The following APLF variants were observed in gnomAD, a reference collection of about 807,000 sequenced individuals.
The protein encoded by APLF is aprataxin and PNKP like factor, also known as aprataxin and PNK-like factor.
A neutral mutation model predicts 55.6 loss-of-function variants in APLF; 61 were observed. The ratio of observed to expected loss-of-function variants is 1.10; its 90% CI spans 0.89 to 1.36. The LOEUF is 1.36. Ranked by LOEUF, APLF falls within the 40% of genes most tolerant of loss-of-function variation. The pLI, the probability that APLF is intolerant of heterozygous loss-of-function variation, is 0.00. For synonymous variants in APLF, 207 were observed against 214.8 expected (o/e 0.96, Z 0.32); for missense variants, 611 against 602.5 (o/e 1.01, Z -0.15).
intron 5 of APLF, among the ~76,000 whole-genome samples, chr2:68,519,578 C>T (rs1278615537): frequency 6.7e-6 from 1 of 149,984 alleles, no homozygotes; most frequent in Non-Finnish European, 1.5e-5. Flanking sequence ...CCCCTCCCCA[C>T]TACGATTCCC....
At chr2:68,504,523 A>G (rs972728297) in intron 3 of APLF, among the ~76,000 whole-genome samples, 3 of 152,086 alleles carry the variant, frequency 2.0e-5, no homozygotes, top group African/African-American at 2.4e-5. Flanking sequence ...CTAAAGAACT[A>G]TCATTTTAAT....
chr2:68,511,597 G>A (rs572125502), intron 3 of APLF, among the ~76,000 whole-genome samples: 122 of 151,656 alleles, frequency 8.0e-4, no homozygotes, highest in Middle Eastern at 6.8e-3. Flanking sequence ...ACTATAAATT[G>A]TGAAAAATCA....
chr2:68,486,475 A>G (rs752488326), intron 1 of APLF, among the ~76,000 whole-genome samples: 2 of 151,988 alleles, frequency 1.3e-5, no homozygotes, highest in Non-Finnish European at 2.9e-5. Context: ...AGTGTGACTT[A>G]ATTTTTTTTG....
chr2:68,502,350 C>T (rs925358417), intron 2 of APLF, among the ~76,000 whole-genome samples: 4 of 152,128 alleles, frequency 2.6e-5, no homozygotes, highest in Admixed American at 2.0e-4. Flanking sequence ...TAGTGCATTT[C>T]GGATATGGAA....
intron 8 of APLF, among the ~76,000 whole-genome samples, chr2:68,551,169 A>G (rs1670850083): frequency 6.6e-6 from 1 of 152,224 alleles, no homozygotes; most frequent in Admixed American, 6.5e-5. Context: ...ATGTCATGCC[A>G]TGGACTCTTG....
intron 1 of APLF, among the ~76,000 whole-genome samples, chr2:68,485,755 G>GC (rs1445343374): frequency 2.0e-5 from 3 of 150,718 alleles, no homozygotes; most frequent in African/African-American, 4.9e-5. Context: ...CTGGAATACA[G>GC]CACACTGAAT....
At chr2:68,502,659 T>C (rs907749686) in intron 2 of APLF, 72 bp from the exon 3 acceptor site, 20 of 973,534 alleles carry the variant, frequency 2.1e-5, no homozygotes, top group Non-Finnish European at 2.2e-5. Context: ...ATTTTTGTTG[T>C]AATTTTGAGT....
At chr2:68,517,008 ATAATATATAATAATATAT>A (rs1372875424) in intron 5 of APLF, among the ~76,000 whole-genome samples, 11 of 123,274 alleles carry the variant, frequency 8.9e-5, no homozygotes, top group African/African-American at 2.9e-4. Flanking sequence ...ATGTTAATAT[ATAATATATAATAATATAT>A]TAATATATAA....
In APLF at chr2:68,578,461, G is replaced by C. The variant is rs1452676747; in HGVS notation, c.*439G>C. The C allele has an allele frequency of 1.0e-6, 1 of 987,092 alleles. No homozygotes were observed. Among genetic ancestry groups the C allele is most frequent in the Non-Finnish European group, 1.2e-6 (1 of 831,254 alleles). The allele number at this position is 987,092 out of a possible 1,614,324, so 61.1% of individuals were successfully genotyped here. A position where few individuals can be genotyped will look rare whatever the true frequency, so the allele number is the denominator to read the frequency against. On this transcript the variant is annotated 3_prime_UTR_variant, in exon 10 of 10. Coordinates refer to ENST00000303795, the MANE Select transcript of APLF (RefSeq NM_173545.3). ...GAAGTAATTCTGTAAGCAGAACCAG[G>C]CTTTAAAAAATGCAGCCATTACATA... is the stretch of plus-strand genomic sequence containing the variant.
chr2:68,493,955 G>T (rs1267885896), intron 2 of APLF, among the ~76,000 whole-genome samples: 1 of 151,840 alleles, frequency 6.6e-6, no homozygotes, highest in African/African-American at 2.4e-5. Context: ...AAAAATACAA[G>T]AAATTATCCA....
chr2:68,576,186 G>GA (rs916574673), intron 9 of APLF, among the ~76,000 whole-genome samples: 72 of 151,906 alleles, frequency 4.7e-4, no homozygotes, highest in African/African-American at 1.7e-3. Flanking sequence ...TCACATCTTA[G>GA]AAAAAAAAGT....
chr2:68,538,509 G>C (rs1244091531), intron 7 of APLF, among the ~76,000 whole-genome samples: 4 of 152,134 alleles, frequency 2.6e-5, no homozygotes. Context: ...GAATCCCCCA[G>C]ATCTAAATAC....
chr2:68,521,438 A>G (rs1669895198), intron 5 of APLF, among the ~76,000 whole-genome samples: 1 of 151,654 alleles, frequency 6.6e-6, no homozygotes, highest in Admixed American at 6.6e-5. Flanking sequence ...GTTCTAATTT[A>G]TTTTATTTTT....
rs555118014 is a variant in APLF at position 68,543,696 on chromosome 2, A to G, written c.1161-1491A>G. 3.3e-5 allele frequency among the ~76,000 whole-genome samples: 5 copies of G among 152,342 alleles called. No individual in the cohort carries two copies. In the South Asian group the frequency reaches 8.3e-4, roughly 25 times the overall value. Reference sequence around the variant, plus strand: ...ATACCTGAAATGAACCCAAAAGTTTATCAGTAGTAAAATGGATAAATTATA... The same window carrying G: ...ATACCTGAAATGAACCCAAAAGTTTGTCAGTAGTAAAATGGATAAATTATA... On this transcript the variant is annotated intron_variant, in intron 7 of 9. Coordinates refer to ENST00000303795, the MANE Select transcript of APLF (RefSeq NM_173545.3).
intron 9 of APLF, among the ~76,000 whole-genome samples, chr2:68,573,432 G>C (rs993414263): frequency 2.0e-5 from 3 of 152,132 alleles, no homozygotes; most frequent in South Asian, 4.1e-4. Context: ...TAGCACTTTG[G>C]GGGGCCGAGG....
At position 68,577,896 on chromosome 2, in the gene APLF, T is replaced by C. The variant is rs1159077405; in HGVS notation, c.1410T>C (p.Asp470=). ...ATGACCTGAACGACAGCTTTCTAGA[T>C]GATGAGGAAGAAGACTATGAGCCAA... ...NEYDLNDSFL[D]DEEEDYEPTD... is the part of the protein sequence containing the mutation. The change falls in exon 10 of 10, where the codon GAT becomes GAC. Residue 470 remains aspartate (D), a synonymous_variant. Coordinates refer to ENST00000303795, the MANE Select transcript of APLF (RefSeq NM_173545.3). 4 of 1,613,166 alleles carry C rather than the reference T, an allele frequency of 2.5e-6. No homozygotes were observed. Among genetic ancestry groups the C allele is most frequent in the Non-Finnish European group, 3.4e-6 (4 of 1,179,610 alleles).
In APLF at chr2:68,516,638, C is replaced by A. The variant is rs1669585713; in HGVS notation, c.622+2958C>A. Among the ~76,000 whole-genome samples the A allele has an allele frequency of 2.0e-5, 3 of 150,494 alleles. No individual in the cohort carries two copies. The Admixed American group carries it at 2.0e-4, about 10-fold the overall frequency. On this transcript the variant is annotated intron_variant, in intron 5 of 9. Coordinates refer to ENST00000303795, the MANE Select transcript of APLF (RefSeq NM_173545.3). ...AAAGTCTGTGGCATCATTCTCATGC[C>A]TTTGCATCCTTATACCTTAGCTCCC...
intron 2 of APLF, among the ~76,000 whole-genome samples, chr2:68,501,439 C>A (rs200559717): frequency 4.9e-5 from 7 of 141,848 alleles, no homozygotes; most frequent in African/African-American, 1.8e-4. Flanking sequence ...AAAAAAAAAA[C>A]ACCAAAGATC....
At chr2:68,540,203 C>G (rs912710852) in intron 7 of APLF, among the ~76,000 whole-genome samples, 1 of 151,870 alleles carries the variant, frequency 6.6e-6, no homozygotes, top group African/African-American at 2.4e-5. Flanking sequence ...ATGTTCCCCT[C>G]CCTGTGTCCA....
Sources: allele counts gnomAD v4.1 joint callset (sites outside exome capture counted in the v4.1 genomes callset), GRCh38; gene constraint gnomAD v4.1.1; transcripts MANE v1.5; gene names NCBI Gene and HGNC (gene_info 2026-07-23, HGNC 2026-07-21).